The following LARP7 variants were observed in gnomAD, a reference collection of about 807,000 sequenced individuals.
LARP7 encodes La ribonucleoprotein 7, transcriptional regulator, also known as la-related protein 7.
Under a neutral mutation model 69.3 loss-of-function variants are expected in LARP7, and 52 were observed. The observed-to-expected ratio is 0.75, with a 90% confidence interval of 0.60 to 0.95. The LOEUF (loss-of-function observed/expected upper bound fraction) is 0.95, where lower values mean the gene tolerates loss of function less well. LARP7 is among the 40% of genes least tolerant of loss of function. LARP7 has a pLI of 0.00. For missense variants in LARP7, 733 were observed against 673.0 expected, an observed-to-expected ratio of 1.09 and a Z score of -0.99; for synonymous variants, 254 against 215.9, an observed-to-expected ratio of 1.18 and a Z score of -1.55.
chr4:112,642,285 GTTT>G (rs2047994200), intron 1 of LARP7, among the ~76,000 whole-genome samples: 1 of 152,130 alleles, frequency 6.6e-6, no homozygotes, highest in Admixed American at 6.6e-5. Flanking sequence ...ACACCTCATT[GTTT>G]TTCTATTATT....
chr4:112,648,251 G>A (rs769885618), intron 8 of LARP7: 8 of 531,372 alleles, frequency 1.5e-5, no homozygotes, highest in South Asian at 1.1e-4. Context: ...TTAAGTGGTG[G>A]GGAGCCCAGT....
intron 8 of LARP7, chr4:112,648,572 ACTT>A (rs1242085957): frequency 9.8e-6 from 5 of 510,496 alleles, no homozygotes; most frequent in Non-Finnish European, 2.0e-5. Flanking sequence ...CCAACATACA[ACTT>A]CTTTGGACTT....
intron 8 of LARP7, chr4:112,648,124 C>T (rs1489457657): frequency 2.4e-5 from 13 of 543,038 alleles, no homozygotes; most frequent in Middle Eastern, 3.2e-4. Flanking sequence ...ATATGAGCTG[C>T]GGTCAATACA....
At chr4:112,657,200 G>GTGTGT in intron 12 of LARP7, 47 bp from the exon 13 acceptor site, 1 of 890,330 alleles carries the variant, frequency 1.1e-6, no homozygotes, top group East Asian at 2.7e-5. Flanking sequence ...GTGTGTGTGT[G>GTGTGT]TTTTGAGTAT....
intron 1 of LARP7, 116 bp from the exon 2 acceptor site, chr4:112,644,551 TG>T: frequency 9.6e-7 from 1 of 1,041,508 alleles, no homozygotes; most frequent in Non-Finnish European, 1.3e-6. Context: ...GTTTGTCTTC[TG>T]ATGGCCAAAT....
intron 1 of LARP7, among the ~76,000 whole-genome samples, chr4:112,640,442 C>T (rs1284010396): frequency 1.3e-5 from 2 of 152,190 alleles, no homozygotes; most frequent in Non-Finnish European, 2.9e-5. Flanking sequence ...TAGCTCACAC[C>T]TGTAATCTCA....
chr4:112,647,810 T>C lies in LARP7; in HGVS notation c.1118T>C (p.Val373Ala). 6.3e-7 allele frequency: 1 copy of C among 1,589,848 alleles called. No homozygotes were observed. The highest frequency in any genetic ancestry group is 8.6e-7 in the Non-Finnish European group (1 of 1,164,802). ...GAGAGACATAAAATGGGAGAAGAAG[T>C]TATACCATTAAGAGTGCTATCAAAG... Reference protein sequence around the residue: ...HKERHKMGEEVIPLRVLSKSE... With the variant: ...HKERHKMGEEAIPLRVLSKSE... Residue 373 changes from valine to alanine, a missense_variant, in exon 8 of 13, where the codon GTT becomes GCT. Transcript: ENST00000344442.
chr4:112,651,949 TTAAC>T (rs1261905675), intron 10 of LARP7, among the ~76,000 whole-genome samples: 2 of 151,980 alleles, frequency 1.3e-5, no homozygotes, highest in East Asian at 3.8e-4. Context: ...TTGGTACTAA[TTAAC>T]TAGGTAAAGA....
rs757421204 is a variant in LARP7, at chr4:112,644,483, T to C, written c.-2-185T>C. 12 of 1,189,816 alleles carry C rather than the reference T, an allele frequency of 1.0e-5. No homozygotes were observed. The African/African-American group carries it at 1.9e-4, about 19-fold the overall frequency. 73.7% of individuals were successfully genotyped at this position (1,189,816 alleles called of 1,614,324 possible). The stretch of plus-strand genomic sequence containing the variant: ...GAAACTAAAGCTATGATCCCTAACA[T>C]AGAAGGTAAATTATTTTTAAATTTA... On this transcript the variant is annotated intron_variant, in intron 1 of 12. Transcript: ENST00000344442.
intron 12 of LARP7, 75 bp from the exon 13 acceptor site, chr4:112,657,170 TTG>T (rs35719274): frequency 0.085 from 40,375 of 474,884 alleles, no homozygotes; most frequent in Non-Finnish European, 0.094. Context: ...AGTCATAGTT[TTG>T]TGTGTGTGTG....
intron 2 of LARP7, chr4:112,645,543 T>G (rs766637883): frequency 2.2e-6 from 1 of 456,258 alleles, no homozygotes; most frequent in South Asian, 1.5e-5. Flanking sequence ...TCTATCTTTT[T>G]TCCCTAGGCA....
intron 1 of LARP7, among the ~76,000 whole-genome samples, chr4:112,638,730 T>A (rs2047823774): frequency 6.6e-6 from 1 of 152,232 alleles, no homozygotes; most frequent in Non-Finnish European, 1.5e-5. Context: ...AATAACTACA[T>A]ACTCAATGAT....
intron 2 of LARP7, 84 bp from the exon 3 acceptor site, chr4:112,646,267 A>T (rs2048228580): frequency 1.5e-6 from 1 of 663,762 alleles, no homozygotes; most frequent in Non-Finnish European, 2.5e-6. Flanking sequence ...ACCGAGCCTG[A>T]GGGCCTGAGG....
intron 1 of LARP7, among the ~76,000 whole-genome samples, chr4:112,643,673 C>T (rs1470601896): frequency 6.6e-6 from 1 of 152,078 alleles, no homozygotes; most frequent in Non-Finnish European, 1.5e-5. Flanking sequence ...CATGGTGAAA[C>T]TCTGTCTCTA....
chr4:112,644,482 A>T (rs1383031952), intron 1 of LARP7, 186 bp from the exon 2 acceptor site: 1 of 1,189,352 alleles, frequency 8.4e-7, no homozygotes, highest in African/African-American at 1.6e-5. Context: ...GATCCCTAAC[A>T]TAGAAGGTAA....
intron 1 of LARP7, chr4:112,637,443 G>C (rs957370358): frequency 2.0e-5 from 3 of 152,336 alleles, no homozygotes; most frequent in Non-Finnish European, 4.4e-5. Flanking sequence ...TTTTCAGACA[G>C]TAAGGGCGCA....
intron 12 of LARP7, among the ~76,000 whole-genome samples, chr4:112,656,230 C>A (rs760267615): frequency 3.9e-5 from 6 of 152,016 alleles, no homozygotes; most frequent in Non-Finnish European, 7.4e-5. Context: ...CATATTGAAA[C>A]CCTGTCTACT....
rs535369786 is a variant in LARP7 at position 112,649,277 on chromosome 4, A to G, written c.1143-258A>G. 3.9e-5 allele frequency among the ~76,000 whole-genome samples: 6 copies of G among 152,342 alleles called. 1 individual carries two copies. The South Asian group carries it at 1.2e-3, about 32-fold the overall frequency. On this transcript the variant is annotated intron_variant, in intron 8 of 12. Coordinates refer to ENST00000344442, the MANE Select transcript of LARP7 (RefSeq NM_016648.4). ...TTAATGCTAAAATTTTACTTTTATA[A>G]ATTAAAATACTTCAGACACTCAAAA...
chr4:112,649,483 C>A lies in LARP7; in HGVS notation c.1143-52C>A, dbSNP rs4513633. 0.84 allele frequency: 1,201,259 copies of A among 1,427,330 alleles called. 508,656 individuals carry two copies. The highest frequency in any genetic ancestry group is 0.87 in the Non-Finnish European group (918,352 of 1,060,908). 88.4% of individuals were successfully genotyped at this position (1,427,330 alleles called of 1,614,324 possible). ...TGAATGTATATATTTAGATATTTCC[C>A]TATTTACTTTTTATATTTAGTCATC... On this transcript the variant is annotated intron_variant, in intron 8 of 12. Coordinates refer to ENST00000344442, the MANE Select transcript of LARP7 (RefSeq NM_016648.4).
Sources: allele counts gnomAD v4.1 joint callset (sites outside exome capture counted in the v4.1 genomes callset), GRCh38; gene constraint gnomAD v4.1.1; transcripts MANE v1.5; gene names NCBI Gene and HGNC (gene_info 2026-07-23, HGNC 2026-07-21).